Variants in MICAL3 observed in about 807,000 individuals in gnomAD.
The protein encoded by MICAL3 is [F-actin]-monooxygenase MICAL3.
Under a neutral mutation model 207.4 loss-of-function variants are expected in MICAL3, and 62 were observed. The ratio of observed to expected loss-of-function variants is 0.30; its 90% CI spans 0.24 to 0.37. The LOEUF (loss-of-function observed/expected upper bound fraction) is 0.37. Among genes scored for constraint, MICAL3 ranks in the 10% least tolerant of loss-of-function variants. The pLI, the probability that MICAL3 is intolerant of heterozygous loss-of-function variation, is 1.00. For missense variants in MICAL3, 2,368 were observed against 2,635.6 expected (o/e 0.90, Z 2.22); for synonymous variants, 1,077 against 1,069.3 (o/e 1.01, Z -0.14).
chr22:17,931,395 C>G (rs1389950899), intron 1 of MICAL3, among the ~76,000 whole-genome samples: 1 of 152,190 alleles, frequency 6.6e-6, no homozygotes, highest in Non-Finnish European at 1.5e-5. Context: ...GAATCTGCAC[C>G]AGGCTTCACA....
rs1922368146 is a variant in MICAL3, at chr22:17,827,912, T to G, written c.3056-131A>C. 11 of 917,358 alleles carry G rather than the reference T, an allele frequency of 1.2e-5. 1 individual carries two copies. In the South Asian group the frequency reaches 1.9e-4, roughly 16 times the overall value. 56.8% of individuals were successfully genotyped at this position (917,358 alleles called of 1,614,324 possible). A position where few individuals can be genotyped will look rare whatever the true frequency, so the allele number is the denominator to read the frequency against. ...GTATGAATCAGAAAGAAGTAAAAAT[T>G]AAGAACATGTATGCACATGTATACA... On this transcript the variant is annotated intron_variant, in intron 21 of 31. Coordinates refer to ENST00000441493, the MANE Select transcript of MICAL3 (RefSeq NM_015241.3).
chr22:17,816,540 A>G, intron 27 of MICAL3, 150 bp downstream of exon 27: 1 of 665,482 alleles, frequency 1.5e-6, no homozygotes, highest in Non-Finnish European at 2.6e-6. Flanking sequence ...GCCTCAGTGC[A>G]TAGGGCTGGG....
chr22:17,917,775 G>A (rs2146290967), intron 1 of MICAL3, among the ~76,000 whole-genome samples: 1 of 152,270 alleles, frequency 6.6e-6, no homozygotes, highest in Admixed American at 6.5e-5. Context: ...TCAGGTCTTG[G>A]CTCACCTTAT....
intron 16 of MICAL3, among the ~76,000 whole-genome samples, chr22:17,880,039 A>G (rs1219986282): frequency 1.3e-5 from 2 of 152,198 alleles, no homozygotes; most frequent in Non-Finnish European, 2.9e-5. Context: ...GGCTCCTCGC[A>G]TTACTCTCTG....
At chr22:17,866,719 A>G (rs1927197360) in intron 17 of MICAL3, among the ~76,000 whole-genome samples, 1 of 151,840 alleles carries the variant, frequency 6.6e-6, no homozygotes, top group African/African-American at 2.4e-5. Context: ...TGATGAGAAT[A>G]AAACGTTATT....
chr22:17,825,745 G>A (rs993536389), intron 22 of MICAL3, among the ~76,000 whole-genome samples: 3 of 152,184 alleles, frequency 2.0e-5, no homozygotes, highest in Non-Finnish European at 4.4e-5. Context: ...AGGTGGTGGA[G>A]GCTGCACGGA....
At chr22:17,895,537 G>C (rs1930754364) in intron 9 of MICAL3, 127 bp from the exon 10 acceptor site, 13 of 1,060,142 alleles carry the variant, frequency 1.2e-5, no homozygotes, top group Non-Finnish European at 1.8e-5. Context: ...TCCTTGACCA[G>C]TCTTCTTGAG....
chr22:17,864,171 C>T, intron 19 of MICAL3: 1 of 989,286 alleles, frequency 1.0e-6, no homozygotes, highest in Non-Finnish European at 1.2e-6. Context: ...CCCTGCGAGT[C>T]CTGTCATGCT....
chr22:17,862,396 A>C, intron 19 of MICAL3: 2 of 474,664 alleles, frequency 4.2e-6, no homozygotes, highest in Non-Finnish European at 5.5e-6. Flanking sequence ...CTGGGACTAC[A>C]GGCATCCGCC....
In MICAL3 at chr22:17,973,394, C is replaced by T. The variant is rs186259474; in HGVS notation, c.-75+50887G>A. On this transcript the variant is annotated intron_variant, in intron 1 of 31. Coordinates refer to ENST00000441493, the MANE Select transcript of MICAL3 (RefSeq NM_015241.3). ...TACTTCTGTAGGGTATGTAACTGAG[C>T]ATATGATCCTTCCCAACAGGGCCTG... 8.5e-4 allele frequency among the ~76,000 whole-genome samples: 129 copies of T among 152,312 alleles called. 3 individuals carry two copies. The East Asian group carries it at 0.023, about 27-fold the overall frequency.
chr22:17,868,809 A>G (rs5992880), intron 17 of MICAL3, among the ~76,000 whole-genome samples: 75,974 of 151,536 alleles, frequency 0.5, 20,682 homozygotes, highest in African/African-American at 0.73. Context: ...GACAGCTACC[A>G]ATCTGAACAC....
At chr22:17,939,956 T>C (rs1933730829) in intron 1 of MICAL3, among the ~76,000 whole-genome samples, 1 of 152,206 alleles carries the variant, frequency 6.6e-6, no homozygotes, top group East Asian at 1.9e-4. Flanking sequence ...ATGTACATAC[T>C]GTATTTACTG....
intron 10 of MICAL3, among the ~76,000 whole-genome samples, chr22:17,894,896 C>G (rs1020821061): frequency 3.9e-5 from 6 of 151,978 alleles, no homozygotes; most frequent in Admixed American, 3.9e-4. Flanking sequence ...GATTATTATT[C>G]CCATTTTTCA....
At chr22:17,917,212 G>A (rs533263405) in intron 1 of MICAL3, among the ~76,000 whole-genome samples, 8 of 152,186 alleles carry the variant, frequency 5.3e-5, no homozygotes, top group Non-Finnish European at 7.4e-5. Context: ...GAACTTGTGC[G>A]ACCAATCACT....
intron 1 of MICAL3, among the ~76,000 whole-genome samples, chr22:17,952,204 C>T (rs1215417404): frequency 6.6e-6 from 1 of 152,230 alleles, no homozygotes; most frequent in Admixed American, 6.5e-5. Context: ...TGATTCAACC[C>T]TTTGTTAGCA....
chr22:17,852,594 T>G (rs1247813468), intron 19 of MICAL3, among the ~76,000 whole-genome samples: 1 of 152,190 alleles, frequency 6.6e-6, no homozygotes, highest in Non-Finnish European at 1.5e-5. Context: ...AAACACCCAT[T>G]GGTGCACTGA....
chr22:17,821,743 G>C (rs1475344526), intron 24 of MICAL3, among the ~76,000 whole-genome samples: 3 of 152,228 alleles, frequency 2.0e-5, no homozygotes, highest in Non-Finnish European at 2.9e-5. Flanking sequence ...GTCAGGCCGT[G>C]GGCTTCCTCC....
intron 1 of MICAL3, among the ~76,000 whole-genome samples, chr22:18,020,912 TCAAA>T (rs1472547983): frequency 1.7e-5 from 2 of 114,558 alleles, no homozygotes; most frequent in South Asian, 3.0e-4. Context: ...AGACCCTGTC[TCAAA>T]TAAATAAATA....
intron 11 of MICAL3, among the ~76,000 whole-genome samples, chr22:17,892,492 T>C (rs59738128): frequency 0.011 from 1,746 of 152,332 alleles, 29 homozygotes; most frequent in African/African-American, 0.04. Context: ...CCAAGTATCA[T>C]GAAAATCCTG....
Sources: allele counts gnomAD v4.1 joint callset (sites outside exome capture counted in the v4.1 genomes callset), GRCh38; gene constraint gnomAD v4.1.1; transcripts MANE v1.5; gene names NCBI Gene and HGNC (gene_info 2026-07-23, HGNC 2026-07-21).